The following JAML variants were observed in gnomAD, a reference collection of about 807,000 sequenced individuals.
JAML encodes the protein junctional adhesion molecule-like.
JAML carries 25 observed loss-of-function variants against 39.3 expected under a neutral mutation model. The observed-to-expected ratio is 0.64, with a 90% CI of 0.46 to 0.89. The LOEUF is 0.89. JAML is among the 40% of genes least tolerant of loss of function. JAML has a pLI of 0.00. For synonymous variants in JAML, 162 were observed against 179.2 expected, an observed-to-expected ratio of 0.90 and a Z score of 0.77; for missense variants, 440 against 486.9, an observed-to-expected ratio of 0.90 and a Z score of 0.91.
At chr11:118,211,055 CG>C (rs1650817351) in intron 3 of JAML, among the ~76,000 whole-genome samples, 1 of 152,190 alleles carries the variant, frequency 6.6e-6, no homozygotes, top group Non-Finnish European at 1.5e-5. Flanking sequence ...GCCACAGCCC[CG>C]GATTAGATGG....
chr11:118,196,213 C>T (rs1216325935), intron 9 of JAML, among the ~76,000 whole-genome samples: 2 of 148,846 alleles, frequency 1.3e-5, no homozygotes, highest in African/African-American at 5.0e-5. Flanking sequence ...ATGTAACCAA[C>T]GCCTTCCAGG....
rs774361136 is a variant in JAML at position 118,210,521 on chromosome 11, C to T, written c.390G>A (p.Ala130=). The T allele has an allele frequency of 8.1e-6, 13 of 1,614,010 alleles. No individual in the cohort carries two copies. Among genetic ancestry groups the T allele is most frequent in the Middle Eastern group, 1.7e-4 (1 of 6,058 alleles). ...LKGESQVFKK[A]VVLHVLPEEP... ...CCTCTGGAAGCACATGCAGTACCAC[C>T]GCCTTCTTGAACACCTGGCTCTCCC... The change falls in exon 4 of 10, where the codon GCG becomes GCA. Residue 130 remains alanine (A), a synonymous_variant. Coordinates refer to ENST00000356289, the MANE Select transcript of JAML (RefSeq NM_001098526.2).
At chr11:118,202,353 T>A (rs1483133979) in intron 6 of JAML, 1 of 152,586 alleles carries the variant, frequency 6.6e-6, no homozygotes, top group African/African-American at 2.4e-5. Context: ...AAAAAAGACA[T>A]AGAATGGAGC....
intron 4 of JAML, among the ~76,000 whole-genome samples, chr11:118,206,389 G>T (rs1948916272): frequency 6.6e-6 from 1 of 152,158 alleles, no homozygotes; most frequent in Admixed American, 6.5e-5. Flanking sequence ...ACTAAAGGAA[G>T]TATGGAAAAT....
chr11:118,202,387 G>A (rs909651420), intron 6 of JAML: 1 of 154,014 alleles, frequency 6.5e-6, no homozygotes, highest in African/African-American at 2.4e-5. Context: ...TAGTAGAATT[G>A]AGCAAACGTA....
At chr11:118,219,581 C>T (rs1215667881) in intron 1 of JAML, among the ~76,000 whole-genome samples, 6 of 152,252 alleles carry the variant, frequency 3.9e-5, no homozygotes, top group Non-Finnish European at 8.8e-5. Flanking sequence ...CAGACAGTGC[C>T]TTCTCTGCTG....
At chr11:118,197,917 G>C in intron 8 of JAML, 81 bp downstream of exon 8, 3 of 1,288,154 alleles carry the variant, frequency 2.3e-6, no homozygotes, top group Non-Finnish European at 3.4e-6. Flanking sequence ...GACATACAAT[G>C]GGTAAGATAT....
In JAML at chr11:118,212,754, C is replaced by T. The variant is rs1409677624; in HGVS notation, c.44-193G>A. ...ACCTATATGGCTCATCAGAAGGATT[C>T]TGCAATCTTCATACTACAATAAATG... is the stretch of plus-strand genomic sequence containing the variant. On this transcript the variant is annotated intron_variant, in intron 2 of 9. Coordinates refer to ENST00000356289, the MANE Select transcript of JAML (RefSeq NM_001098526.2). 8.4e-6 allele frequency: 13 copies of T among 1,555,472 alleles called. No individual in the cohort carries two copies. In the South Asian group the frequency reaches 1.4e-4, roughly 17 times the overall value.
Position 118,212,981 on chromosome 11 carries a change from CT to C in JAML, c.44-421del. 2.5e-6 allele frequency: 4 copies of C among 1,613,170 alleles called. No individual in the cohort carries two copies. In the East Asian group the frequency reaches 6.7e-5, roughly 27 times the overall value. The stretch of plus-strand genomic sequence containing the variant: ...ACTGGTTCCCTCTCTGAAAAGGGAC[CT>C]TTTGTTTACTTCCTCTTTTCCCTTT... On this transcript the variant is annotated intron_variant, in intron 2 of 9. Coordinates refer to ENST00000356289, the MANE Select transcript of JAML (RefSeq NM_001098526.2).
chr11:118,208,255 G>A (rs1271712233), intron 4 of JAML, among the ~76,000 whole-genome samples: 1 of 151,802 alleles, frequency 6.6e-6, no homozygotes, highest in African/African-American at 2.4e-5. Flanking sequence ...GAGAGAGAGA[G>A]AGAATCCTTG....
intron 9 of JAML, among the ~76,000 whole-genome samples, chr11:118,194,987 A>T (rs1443424156): frequency 6.6e-6 from 1 of 152,200 alleles, no homozygotes; most frequent in Admixed American, 6.5e-5. Context: ...GATCTAGATC[A>T]AGAGGACAGG....
rs1715434 is a variant in JAML at position 118,221,668 on chromosome 11, G to C, written c.-21+3273C>G. The stretch of plus-strand genomic sequence containing the variant: ...ACCAGTGCCAGTCTACTGCCCAGGG[G>C]TTGGGGACCCCTGCTGTAGCTCAAC... On this transcript the variant is annotated intron_variant, in intron 1 of 9. Coordinates refer to ENST00000356289, the MANE Select transcript of JAML (RefSeq NM_001098526.2). Among the ~76,000 whole-genome samples, 79 of 152,268 alleles carry C rather than the reference G, an allele frequency of 5.2e-4. 1 individual carries two copies. The South Asian group carries it at 9.9e-3, about 19-fold the overall frequency.
At chr11:118,208,069 TAAAC>T (rs1265635456) in intron 4 of JAML, among the ~76,000 whole-genome samples, 3 of 150,744 alleles carry the variant, frequency 2.0e-5, no homozygotes, top group Non-Finnish European at 3.0e-5. Flanking sequence ...CATCTCTACT[TAAAC>T]AAACAAACAA....
rs765258097 is a variant in JAML, at chr11:118,212,580, A to G, written c.44-19T>C. ...GAATAATCTATAGAAGTCAAAGGCA[A>G]GAGGACACATCATTTAGACAAATAC... On this transcript the variant is annotated intron_variant, in intron 2 of 9. Transcript: ENST00000356289. The G allele has an allele frequency of 1.9e-6, 3 of 1,612,770 alleles. No individual in the cohort carries two copies. Among genetic ancestry groups the G allele is most frequent in the Non-Finnish European group, 2.5e-6 (3 of 1,179,758 alleles).
rs770747697 is a variant in JAML at position 118,222,602 on chromosome 11, C to T, written c.-21+2339G>A. Among the ~76,000 whole-genome samples the T allele has an allele frequency of 6.6e-6, 1 of 152,118 alleles. No homozygotes were observed. Among genetic ancestry groups the T allele is most frequent in the Non-Finnish European group, 1.5e-5 (1 of 68,030 alleles). On this transcript the variant is annotated intron_variant, in intron 1 of 9. Transcript: ENST00000356289. The surrounding 1 kb of genome is among the most constrained non-coding windows in gnomAD (Gnocchi z 4.2). The stretch of plus-strand genomic sequence containing the variant: ...AACATTTTATCAGAAAAAATTGAAA[C>T]TTTAATCTCTTTTAGGTCACGTGAC...
chr11:118,212,759 A>C, intron 2 of JAML, 198 bp from the exon 3 acceptor site: 4 of 1,564,200 alleles, frequency 2.6e-6, no homozygotes, highest in Non-Finnish European at 3.5e-6. Context: ...GGATTCTGCA[A>C]TCTTCATACT....
chr11:118,211,589 A>G (rs1210531468), intron 3 of JAML, among the ~76,000 whole-genome samples: 1 of 152,230 alleles, frequency 6.6e-6, no homozygotes, highest in African/African-American at 2.4e-5. Context: ...TATCCCTCGT[A>G]TAAAAATAAA....
intron 4 of JAML, 96 bp from the exon 5 acceptor site, chr11:118,206,087 G>C (rs950495827): frequency 1.3e-5 from 14 of 1,100,642 alleles, no homozygotes; most frequent in Non-Finnish European, 1.7e-5. Context: ...AAGACCCTCA[G>C]CAGCAAAAAT....
chr11:118,194,475 A>C, intron 9 of JAML, 58 bp from the exon 10 acceptor site: 1 of 1,402,446 alleles, frequency 7.1e-7, no homozygotes, highest in Non-Finnish European at 1.0e-6. Context: ...TTCCATAATC[A>C]TAGCAGCTGC....
Sources: gnomAD v4.1 joint callset for allele counts (sites outside exome capture counted in the v4.1 genomes callset) on GRCh38, gnomAD v4.1.1 for gene constraint, Gnocchi (gnomAD v3.1) non-coding constraint, MANE v1.5 for transcripts, NCBI Gene and HGNC (gene_info 2026-07-23, HGNC 2026-07-21) for gene names.